PLGRKT: variants seen among roughly 807,000 people sequenced by gnomAD.
PLGRKT encodes plasminogen receptor with a C-terminal lysine.
In PLGRKT, 22 loss-of-function variants were observed where a neutral mutation model predicts 18.5. The ratio of observed to expected loss-of-function variants is 1.19; its 90% confidence interval spans 0.85 to 1.70. PLGRKT has a LOEUF of 1.70. PLGRKT is among the 40% of genes most tolerant of loss of function. The pLI is 0.00. For missense variants in PLGRKT, 235 were observed against 174.4 expected, an observed-to-expected ratio of 1.35 and a Z score of -1.96; for synonymous variants, 72 against 52.8, an observed-to-expected ratio of 1.36 and a Z score of -1.58.
chr9:5,433,842 A>G (rs1318817208), intron 2 of PLGRKT, among the ~76,000 whole-genome samples: 584 of 51,220 alleles, frequency 0.011, no homozygotes, highest in Middle Eastern at 0.068. Context: ...AGCGCCCATC[A>G]TCTGGGATGT....
intron 3 of PLGRKT, among the ~76,000 whole-genome samples, chr9:5,431,442 A>C (rs1488498091): frequency 6.6e-6 from 1 of 151,460 alleles, no homozygotes; most frequent in East Asian, 1.9e-4. Flanking sequence ...GCTGAGGCAC[A>C]AGAATCGCTT....
chr9:5,419,263 C>T (rs1465786569), intron 3 of PLGRKT, among the ~76,000 whole-genome samples: 1 of 152,206 alleles, frequency 6.6e-6, no homozygotes, highest in African/African-American at 2.4e-5. Flanking sequence ...GAAAACATTG[C>T]AATATGATTA....
chr9:5,369,777 T>A (rs1004371182), intron 3 of PLGRKT, among the ~76,000 whole-genome samples: 1 of 152,220 alleles, frequency 6.6e-6, no homozygotes, highest in African/African-American at 2.4e-5. Flanking sequence ...GATGAGTTCA[T>A]GTCCTTTGCA....
upstream of PLGRKT, among the ~76,000 whole-genome samples, chr9:5,438,123 G>T (rs375253286): frequency 1.3e-5 from 2 of 152,176 alleles, no homozygotes; most frequent in Admixed American, 6.5e-5. Context: ...TCAATTAAAG[G>T]CCTCTGTCCC....
At chr9:5,419,832 G>C (rs752123037) in intron 3 of PLGRKT, among the ~76,000 whole-genome samples, 10 of 152,138 alleles carry the variant, frequency 6.6e-5, no homozygotes, top group Non-Finnish European at 1.2e-4. Flanking sequence ...AATAAGTTAA[G>C]CATAAAATTA....
rs1818672282 is a variant in PLGRKT, at chr9:5,425,185, T to C, written c.81+6712A>G. ...GTTCTTCCCTCATTCTCAAAATGCT[T>C]TTCCAGCCACTCAGGTGACATAAAA... On this transcript the variant is annotated intron_variant, in intron 3 of 5. Coordinates refer to ENST00000223864, the MANE Select transcript of PLGRKT (RefSeq NM_018465.4). Among the ~76,000 whole-genome samples, 4 of 152,194 alleles carry C rather than the reference T, an allele frequency of 2.6e-5. No homozygotes were observed. In the South Asian group the frequency reaches 8.3e-4, roughly 32 times the overall value.
intron 3 of PLGRKT, among the ~76,000 whole-genome samples, chr9:5,409,754 A>C (rs1818327246): frequency 6.6e-6 from 1 of 152,212 alleles, no homozygotes; most frequent in East Asian, 1.9e-4. Flanking sequence ...TGGAGCTTTA[A>C]GGTTTAATGA....
intron 3 of PLGRKT, among the ~76,000 whole-genome samples, chr9:5,373,590 G>T (rs62557749): frequency 2.0e-5 from 3 of 151,978 alleles, no homozygotes; most frequent in Non-Finnish European, 2.9e-5. Flanking sequence ...GCTTGAGCCC[G>T]TAAGTTCAAG....
chr9:5,404,779 T>C (rs1374015236), intron 3 of PLGRKT, among the ~76,000 whole-genome samples: 1 of 152,050 alleles, frequency 6.6e-6, no homozygotes, highest in Non-Finnish European at 1.5e-5. Flanking sequence ...CCTAGCCAGG[T>C]CAATCAGGCA....
chr9:5,431,973 C>A lies in PLGRKT; in HGVS notation c.5G>T (p.Gly2Val), dbSNP rs1286902076. 2.1e-6 allele frequency: 3 copies of A among 1,441,160 alleles called. No homozygotes were observed. Among genetic ancestry groups the A allele is most frequent in the Non-Finnish European group, 2.9e-6 (3 of 1,024,836 alleles). The allele number at this position is 1,441,160 out of a possible 1,614,324, so 89.3% of individuals were successfully genotyped here. ...ATTCATAGATTTTGAAAATATAAAC[C>A]CCATTTTGACCTAAAATGTAAAAAA... is the stretch of plus-strand genomic sequence containing the variant. M[G>V]FIFSKSMNES... The change falls in exon 3 of 6, where the codon GGG becomes GTG. Residue 2 changes from glycine (G) to valine (V), a missense_variant. Physicochemically the swap from Gly to Val is moderately radical, Grantham distance 109. Coordinates refer to ENST00000223864, the MANE Select transcript of PLGRKT (RefSeq NM_018465.4).
Position 5,361,740 on chromosome 9 carries a change from G to T in PLGRKT, c.212+18C>A. 2 of 1,588,698 alleles carry T rather than the reference G, an allele frequency of 1.3e-6. No individual in the cohort carries two copies. Among genetic ancestry groups the T allele is most frequent in the South Asian group, 2.3e-5 (2 of 86,108 alleles). On this transcript the variant is annotated intron_variant, in intron 4 of 5. Transcript: ENST00000223864. ...AAAGAAGTAAATGACTGAAGAAAAT[G>T]TTAAATAGCAAACATACCCAGCTGT... is the stretch of plus-strand genomic sequence containing the variant.
rs541284883 is a variant in PLGRKT at position 5,427,325 on chromosome 9, A to G, written c.81+4572T>C. On this transcript the variant is annotated intron_variant, in intron 3 of 5. Transcript: ENST00000223864. Reference sequence around the variant, plus strand: ...CTTGTTTTACTTAACCATAGCCCCAAAGTAGAAGAGTAGTGATGCTGGCAA... The same window carrying G: ...CTTGTTTTACTTAACCATAGCCCCAGAGTAGAAGAGTAGTGATGCTGGCAA... Among the ~76,000 whole-genome samples, 47 of 152,260 alleles carry G rather than the reference A, an allele frequency of 3.1e-4. 1 individual carries two copies. Among genetic ancestry groups the G allele is most frequent in the Non-Finnish European group, 5.0e-4 (34 of 68,014 alleles).
chr9:5,360,700 T>A (rs1049180029), intron 5 of PLGRKT, among the ~76,000 whole-genome samples: 4 of 152,232 alleles, frequency 2.6e-5, no homozygotes, highest in African/African-American at 4.8e-5. Flanking sequence ...ACAATAGCTA[T>A]AAATAACCAG....
At chr9:5,361,283 G>T (rs2131055727) in intron 4 of PLGRKT, 96 bp from the exon 5 acceptor site, 1 of 664,426 alleles carries the variant, frequency 1.5e-6, no homozygotes, top group Middle Eastern at 3.0e-4. Flanking sequence ...CTTTTTGGAA[G>T]AATGCCTTTT....
chr9:5,397,404 C>CT (rs1818070986), intron 3 of PLGRKT, among the ~76,000 whole-genome samples: 1 of 151,888 alleles, frequency 6.6e-6, no homozygotes, highest in Non-Finnish European at 1.5e-5. Context: ...CTTTGTATTT[C>CT]TTTAAATACT....
intron 3 of PLGRKT, among the ~76,000 whole-genome samples, chr9:5,367,123 G>T (rs912923120): frequency 6.6e-6 from 1 of 150,502 alleles, no homozygotes; most frequent in Admixed American, 6.7e-5. Flanking sequence ...AACATTCCAC[G>T]CTCATGAATT....
Position 5,418,597 on chromosome 9 carries a change from T to C in PLGRKT, c.81+13300A>G. 1 of 742,296 alleles carries C rather than the reference T, an allele frequency of 1.3e-6. No individual in the cohort carries two copies. Among genetic ancestry groups the C allele is most frequent in the Non-Finnish European group, 2.5e-6 (1 of 400,972 alleles). 46.0% of individuals were successfully genotyped at this position (742,296 alleles called of 1,614,324 possible). A position where few individuals can be genotyped will look rare whatever the true frequency, so the allele number is the denominator to read the frequency against. On this transcript the variant is annotated intron_variant, in intron 3 of 5. Coordinates refer to ENST00000223864, the MANE Select transcript of PLGRKT (RefSeq NM_018465.4). The surrounding 1 kb of genome is among the most constrained non-coding windows in gnomAD (Gnocchi z 4.2). Reference sequence around the variant, plus strand: ...AGGGATGGTCACCACAGTGACGGACTTCTGCCGGTTCCTGGGCAGCAGGTG... The same window carrying C: ...AGGGATGGTCACCACAGTGACGGACCTCTGCCGGTTCCTGGGCAGCAGGTG...
chr9:5,407,411 G>C (rs1368221063), intron 3 of PLGRKT, among the ~76,000 whole-genome samples: 1 of 152,162 alleles, frequency 6.6e-6, no homozygotes, highest in Non-Finnish European at 1.5e-5. Flanking sequence ...TCCAAGGAAA[G>C]CACTATGTGA....
At chr9:5,434,768 G>C (rs1020902202) in intron 2 of PLGRKT, among the ~76,000 whole-genome samples, 1 of 152,110 alleles carries the variant, frequency 6.6e-6, no homozygotes, top group African/African-American at 2.4e-5. Context: ...GGGAAGTGAG[G>C]TGTGCCTCTG....
Sources: allele counts gnomAD v4.1 joint callset (sites outside exome capture counted in the v4.1 genomes callset), GRCh38; gene constraint gnomAD v4.1.1; non-coding constraint Gnocchi (gnomAD v3.1); transcripts MANE v1.5; gene names NCBI Gene and HGNC (gene_info 2026-07-23, HGNC 2026-07-21).